The following ITSN2 variants were observed in gnomAD, a reference collection of about 807,000 sequenced individuals.
ITSN2 encodes the protein intersectin-2.
Under a neutral mutation model 243.7 loss-of-function variants are expected in ITSN2, and 156 were observed. The ratio of observed to expected loss-of-function variants is 0.64; its 90% confidence interval spans 0.56 to 0.73. The LOEUF is 0.73. ITSN2 is among the 30% of genes least tolerant of loss of function. The pLI, the probability that ITSN2 is intolerant of heterozygous loss-of-function variation, is 0.00. For missense variants in ITSN2, 1,801 were observed against 1,996.1 expected (o/e 0.90, Z 1.86); for synonymous variants, 703 against 699.9 (o/e 1.00, Z -0.07).
chr2:24,261,086 A>G lies in ITSN2; in HGVS notation c.2682+20T>C. ...AGCAAATTCAAAGAATAAAGCCCACAAAAATAACAGACAACATACCTGTCC... is the reference window on the plus strand; with the variant it reads ...AGCAAATTCAAAGAATAAAGCCCACGAAAATAACAGACAACATACCTGTCC... On this transcript the variant is annotated intron_variant, in intron 22 of 39. Coordinates refer to ENST00000355123, the MANE Select transcript of ITSN2 (RefSeq NM_006277.3). 1 of 1,600,274 alleles carries G rather than the reference A, an allele frequency of 6.2e-7. No individual in the cohort carries two copies. Among genetic ancestry groups the G allele is most frequent in the East Asian group, 2.2e-5 (1 of 44,680 alleles).
intron 24 of ITSN2, among the ~76,000 whole-genome samples, chr2:24,253,334 T>C (rs1344925507): frequency 6.6e-5 from 10 of 152,272 alleles, no homozygotes; most frequent in African/African-American, 2.2e-4. Flanking sequence ...TCAAAGTGAT[T>C]ACAAGGTTTA....
chr2:24,295,621 T>G, intron 14 of ITSN2, 43 bp downstream of exon 14: 1 of 1,431,050 alleles, frequency 7.0e-7, no homozygotes, highest in East Asian at 2.7e-5. Context: ...GAAGAACTAT[T>G]AATTGTACAT....
chr2:24,245,228 T>TC (rs1673195842), intron 29 of ITSN2, among the ~76,000 whole-genome samples: 1 of 152,154 alleles, frequency 6.6e-6, no homozygotes, highest in Admixed American at 6.5e-5. Flanking sequence ...ACTTCACACT[T>TC]CGAGATCTGG....
chr2:24,306,443 A>G (rs753242902), intron 8 of ITSN2, among the ~76,000 whole-genome samples: 1 of 152,182 alleles, frequency 6.6e-6, no homozygotes, highest in Non-Finnish European at 1.5e-5. Context: ...TCAGCCTCAT[A>G]TAAATGGGTT....
intron 15 of ITSN2, among the ~76,000 whole-genome samples, chr2:24,287,447 A>G (rs1481391127): frequency 6.6e-6 from 1 of 152,096 alleles, no homozygotes; most frequent in Non-Finnish European, 1.5e-5. Flanking sequence ...TTTATATGAA[A>G]CTGAGGTCAT....
At chr2:24,254,249 C>A (rs978285846) in intron 24 of ITSN2, 118 bp downstream of exon 24, 1 of 701,022 alleles carries the variant, frequency 1.4e-6, no homozygotes, top group Non-Finnish European at 2.6e-6. Flanking sequence ...TTTAATACTG[C>A]AGACACAGAA....
intron 1 of ITSN2, among the ~76,000 whole-genome samples, chr2:24,353,154 T>C (rs1003264249): frequency 6.6e-6 from 1 of 152,056 alleles, no homozygotes; most frequent in Non-Finnish European, 1.5e-5. Context: ...TGGGGAAAAA[T>C]CACAACACAT....
In ITSN2 at chr2:24,328,549, G is replaced by A. The variant is rs541410430; in HGVS notation, c.-33-434C>T. On this transcript the variant is annotated intron_variant, in intron 1 of 39. Transcript: ENST00000355123. ...GCAATCTCAGCTCACTGCAACCTCT[G>A]CCTCCTGGGTTCAAGCAATTCTCAT... Among the ~76,000 whole-genome samples the A allele has an allele frequency of 9.6e-4, 146 of 151,586 alleles. 1 individual carries two copies. The highest frequency in any genetic ancestry group is 3.4e-3 in the African/African-American group (142 of 41,236).
At chr2:24,345,819 T>C (rs1687473357) in intron 1 of ITSN2, among the ~76,000 whole-genome samples, 1 of 152,222 alleles carries the variant, frequency 6.6e-6, no homozygotes, top group African/African-American at 2.4e-5. Flanking sequence ...GCATCTTTCA[T>C]TATACCAATT....
intron 7 of ITSN2, among the ~76,000 whole-genome samples, chr2:24,309,790 A>G (rs968989708): frequency 6.6e-6 from 1 of 152,194 alleles, no homozygotes; most frequent in African/African-American, 2.4e-5. Flanking sequence ...TAGGATATGA[A>G]TGTTGTTCTT....
rs548971936 is a variant in ITSN2 at position 24,324,309 on chromosome 2, CG to C, written c.31+3742del. Among the ~76,000 whole-genome samples, 190 of 152,052 alleles carry C rather than the reference CG, an allele frequency of 1.2e-3. 6 individuals carry two copies. Among genetic ancestry groups the C allele is most frequent in the African/African-American group, 4.5e-3 (188 of 41,434 alleles). On this transcript the variant is annotated intron_variant, in intron 2 of 39. Coordinates refer to ENST00000355123, the MANE Select transcript of ITSN2 (RefSeq NM_006277.3). ...TAACATACATGGGTATATATACCCC[CG>C]GGCAGTGATGGACTCTACTGCTATC...
Position 24,286,269 on chromosome 2 carries a change from A to T in ITSN2, c.1806T>A (p.Leu602=), listed in dbSNP as rs1457129670. Residue 602 remains leucine (L), a synonymous_variant, in exon 16 of 40, where the codon CTT becomes CTA. Coordinates refer to ENST00000355123, the MANE Select transcript of ITSN2 (RefSeq NM_006277.3). ...ACAGCTTAGATGCAGTTTCTTTTTC[A>T]AGAGCATCTAACTGTTCTTTAAGTC... The part of the protein sequence containing the change: ...CQRLKEQLDA[L]EKETASKLSE... The T allele has an allele frequency of 2.5e-6, 4 of 1,605,732 alleles. No individual in the cohort carries two copies. The highest frequency in any genetic ancestry group is 3.4e-6 in the Non-Finnish European group (4 of 1,173,228).
chr2:24,245,364 C>T (rs1673216877), intron 29 of ITSN2, among the ~76,000 whole-genome samples: 1 of 152,122 alleles, frequency 6.6e-6, no homozygotes, highest in African/African-American at 2.4e-5. Flanking sequence ...TAATTTTCTT[C>T]CAACATGGAT....
At position 24,207,962 on chromosome 2, in the gene ITSN2, G is replaced by A. The variant is rs1344951518; in HGVS notation, c.4678+275C>T. Among the ~76,000 whole-genome samples the A allele has an allele frequency of 4.6e-5, 7 of 151,900 alleles. No individual in the cohort carries two copies. In the East Asian group the frequency reaches 9.7e-4, roughly 21 times the overall value. On this transcript the variant is annotated intron_variant, in intron 37 of 39. Coordinates refer to ENST00000355123, the MANE Select transcript of ITSN2 (RefSeq NM_006277.3). ...GCAGAGGTGAGGTGAGTCATGGAGA[G>A]AAAGGAGTGGAGAAGGTGCAGTGGA...
At chr2:24,233,304 G>A (rs112818318) in intron 29 of ITSN2, among the ~76,000 whole-genome samples, 1 of 152,116 alleles carries the variant, frequency 6.6e-6, no homozygotes, top group African/African-American at 2.4e-5. Flanking sequence ...CTGAGTTTAG[G>A]ACACACAAAT....
chr2:24,251,347 A>G (rs71426858), intron 25 of ITSN2, among the ~76,000 whole-genome samples: 28 of 2,588 alleles, frequency 0.011, 8 homozygotes, highest in African/African-American at 0.036. Flanking sequence ...ATATATATAT[A>G]TGTGTGTGTG....
chr2:24,248,741 T>A lies in ITSN2; in HGVS notation c.3176A>T (p.Gln1059Leu). Residue 1059 changes from glutamine to leucine, a missense_variant, in exon 27 of 40, where the codon CAG becomes CTG. This residue lies in a region of ITSN2 where 928 missense variants were observed against 1,065.4 expected (regional missense o/e 0.87). Transcript: ENST00000355123. ...AGAAGCAACATATGCTGAAGTTACC[T>A]GAGCAATCTCTGAAAAGACAAAGAA... ...GASNKKPEIAQVTSAYVASGS... is the reference protein window; with the variant it reads ...GASNKKPEIALVTSAYVASGS... 1 of 1,613,484 alleles carries A rather than the reference T, an allele frequency of 6.2e-7. No homozygotes were observed. The highest frequency in any genetic ancestry group is 8.5e-7 in the Non-Finnish European group (1 of 1,179,736).
At chr2:24,313,633 AATC>A (rs2151755522) in intron 3 of ITSN2, 110 bp from the exon 4 acceptor site, 1 of 647,160 alleles carries the variant, frequency 1.5e-6, no homozygotes, top group South Asian at 2.4e-5. Context: ...TTTTAATACC[AATC>A]ATTAAAGAAT....
intron 1 of ITSN2, among the ~76,000 whole-genome samples, chr2:24,341,342 T>C (rs1295491686): frequency 3.9e-5 from 6 of 152,134 alleles, no homozygotes; most frequent in Non-Finnish European, 8.8e-5. Flanking sequence ...GTTGTAATCA[T>C]GTGGGTGAAT....
Sources: allele counts gnomAD v4.1 joint callset (sites outside exome capture counted in the v4.1 genomes callset), GRCh38; gene constraint gnomAD v4.1.1; regional missense constraint gnomAD v4.1.1; transcripts MANE v1.5; gene names NCBI Gene and HGNC (gene_info 2026-07-23, HGNC 2026-07-21).